LPAR1: variants seen among roughly 807,000 people sequenced by gnomAD.
LPAR1 encodes LPA receptor 1.
LPAR1 carries 5 observed loss-of-function variants against 23.8 expected under a neutral mutation model. The observed-to-expected ratio is 0.21, with a 90% confidence interval of 0.11 to 0.44. LPAR1 has a LOEUF of 0.44. LPAR1 is among the 20% of genes least tolerant of loss of function. The pLI is 0.99. For synonymous variants in LPAR1, 160 were observed against 164.7 expected (o/e 0.97, Z 0.22); for missense variants, 311 against 482.8 (o/e 0.64, Z 3.33).
chr9:111,037,190 G>A (rs2097911355), intron 1 of LPAR1, among the ~76,000 whole-genome samples: 1 of 152,140 alleles, frequency 6.6e-6, no homozygotes, highest in Admixed American at 6.5e-5. Flanking sequence ...AGGAATAGAG[G>A]ATTTCGCTGT....
intron 2 of LPAR1, among the ~76,000 whole-genome samples, chr9:111,031,028 A>G (rs2097785109): frequency 6.6e-6 from 1 of 152,244 alleles, no homozygotes; most frequent in Non-Finnish European, 1.5e-5. Flanking sequence ...CAACTATGGA[A>G]GGCTATGGAA....
chr9:111,033,794 C>A (rs2097845442), intron 2 of LPAR1, among the ~76,000 whole-genome samples: 1 of 152,128 alleles, frequency 6.6e-6, no homozygotes, highest in Non-Finnish European at 1.5e-5. Context: ...CTCAGGTGAT[C>A]CACCCGCCTC....
rs565401482 is a variant in LPAR1 at position 110,875,250 on chromosome 9, T to A, written c.*171A>T. The A allele has an allele frequency of 1.0e-4, 57 of 543,938 alleles. No individual in the cohort carries two copies. Among genetic ancestry groups the A allele is most frequent in the Middle Eastern group, 9.5e-4 (2 of 2,104 alleles). The allele number at this position is 543,938 out of a possible 1,614,324, so 33.7% of individuals were successfully genotyped here. A position where few individuals can be genotyped will look rare whatever the true frequency, so the allele number is the denominator to read the frequency against. ...GGTTGTCACATAAGCTAATTTTCAA[T>A]ATATATCAAGTCTTGTGGGGTCCAG... On this transcript the variant is annotated 3_prime_UTR_variant, in exon 6 of 6. Coordinates refer to ENST00000683809, the MANE Select transcript of LPAR1 (RefSeq NM_001351411.2).
At chr9:110,959,185 A>C (rs866068316) in intron 4 of LPAR1, among the ~76,000 whole-genome samples, 3 of 146,418 alleles carry the variant, frequency 2.0e-5, no homozygotes, top group Non-Finnish European at 4.5e-5. Context: ...AAAAAAAAAA[A>C]CCACTAAAAC....
chr9:110,947,358 G>A (rs2095418902), intron 4 of LPAR1, among the ~76,000 whole-genome samples: 1 of 152,152 alleles, frequency 6.6e-6, no homozygotes, highest in Admixed American at 6.6e-5. Context: ...CCCAAATTCA[G>A]TTGTCCTCAA....
chr9:110,956,308 A>T (rs1350526059), intron 4 of LPAR1, among the ~76,000 whole-genome samples: 1 of 152,142 alleles, frequency 6.6e-6, no homozygotes, highest in Non-Finnish European at 1.5e-5. Context: ...TGATGGGTGC[A>T]GCAAACCACC....
chr9:111,021,347 T>C (rs892971539), intron 2 of LPAR1, among the ~76,000 whole-genome samples: 1 of 152,200 alleles, frequency 6.6e-6, no homozygotes, highest in Non-Finnish European at 1.5e-5. Flanking sequence ...ATAAGCTGAA[T>C]TGCCAAGTAC....
chr9:111,022,948 G>A (rs1164420513), intron 2 of LPAR1, among the ~76,000 whole-genome samples: 1 of 151,214 alleles, frequency 6.6e-6, no homozygotes, highest in African/African-American at 2.4e-5. Flanking sequence ...AGCTACTCAG[G>A]AGGCTGAGGC....
At chr9:110,909,931 G>T (rs575266972) in intron 5 of LPAR1, among the ~76,000 whole-genome samples, 2 of 151,720 alleles carry the variant, frequency 1.3e-5, no homozygotes, top group Admixed American at 6.6e-5. Flanking sequence ...GCATTTTTTG[G>T]AGAGACAGGG....
chr9:110,927,483 C>T (rs1346859183), intron 5 of LPAR1, among the ~76,000 whole-genome samples: 9 of 152,072 alleles, frequency 5.9e-5, no homozygotes, highest in Non-Finnish European at 1.3e-4. Context: ...AACTAGTAAA[C>T]ACTCAAATGT....
chr9:110,954,110 T>C (rs2136858197), intron 4 of LPAR1, among the ~76,000 whole-genome samples: 1 of 152,006 alleles, frequency 6.6e-6, no homozygotes, highest in East Asian at 1.9e-4. Context: ...GAGACAGATA[T>C]CATTAAAAAG....
At chr9:111,013,472 T>A (rs1181011125) in intron 2 of LPAR1, among the ~76,000 whole-genome samples, 1 of 152,162 alleles carries the variant, frequency 6.6e-6, no homozygotes, top group Non-Finnish European at 1.5e-5. Context: ...GCCAGCTGTG[T>A]GGTAGAGACA....
At chr9:111,011,048 AACTT>A (rs367577390) in intron 2 of LPAR1, among the ~76,000 whole-genome samples, 9 of 152,282 alleles carry the variant, frequency 5.9e-5, no homozygotes, top group African/African-American at 2.2e-4. Context: ...TACAAACTAA[AACTT>A]AAGAGCTTCT....
chr9:110,958,786 T>C (rs546469253), intron 4 of LPAR1, among the ~76,000 whole-genome samples: 2 of 151,842 alleles, frequency 1.3e-5, no homozygotes, highest in South Asian at 2.1e-4. Flanking sequence ...GGATAAAATA[T>C]TTTCTAACTA....
chr9:111,038,508 G>A (rs1054056300), upstream of LPAR1: 3 of 416,402 alleles, frequency 7.2e-6, no homozygotes, highest in African/African-American at 4.2e-5. This position sits in a 1 kb window ranked among gnomAD's most constrained non-coding sequence, Gnocchi z 4.4. Flanking sequence ...AGGGGGCGCA[G>A]AGGGAGGGCC....
chr9:111,029,112 T>A (rs79298358), intron 2 of LPAR1, among the ~76,000 whole-genome samples: 1 of 152,192 alleles, frequency 6.6e-6, no homozygotes, highest in Non-Finnish European at 1.5e-5. Flanking sequence ...AGAATTGAAA[T>A]AAGCCTTGTC....
At chr9:111,012,531 A>G (rs747809249) in intron 2 of LPAR1, among the ~76,000 whole-genome samples, 16 of 151,994 alleles carry the variant, frequency 1.1e-4, no homozygotes, top group Admixed American at 2.6e-4. Flanking sequence ...ACAAAAGCAG[A>G]ATTGAATCTG....
intron 5 of LPAR1, among the ~76,000 whole-genome samples, chr9:110,904,629 T>C (rs1479690259): frequency 6.6e-6 from 1 of 152,238 alleles, no homozygotes; most frequent in African/African-American, 2.4e-5. Context: ...GCTACCTCAT[T>C]CTGAGACAGA....
chr9:110,930,386 G>C (rs1275828187), intron 5 of LPAR1, among the ~76,000 whole-genome samples: 1 of 151,982 alleles, frequency 6.6e-6, no homozygotes, highest in African/African-American at 2.4e-5. Context: ...GTGGTGGCCT[G>C]TAATCCCAGC....
Sources: gnomAD v4.1 joint callset for allele counts (sites outside exome capture counted in the v4.1 genomes callset) on GRCh38, gnomAD v4.1.1 for gene constraint, Gnocchi (gnomAD v3.1) non-coding constraint, MANE v1.5 for transcripts, NCBI Gene and HGNC (gene_info 2026-07-23, HGNC 2026-07-21) for gene names.